Variants in CSMD1 observed in about 807,000 individuals in gnomAD.
CSMD1 encodes the protein CUB and Sushi multiple domains 1.
A neutral mutation model predicts 417.5 loss-of-function variants in CSMD1; 213 were observed. The observed-to-expected ratio is 0.51, with a 90% CI of 0.46 to 0.57. CSMD1 has a LOEUF of 0.57. Among genes scored for constraint, CSMD1 ranks in the 20% least tolerant of loss-of-function variants. The pLI is 0.00. For missense variants in CSMD1, 6,923 were observed against 4,529.7 expected, an observed-to-expected ratio of 1.53 and a Z score of -15.17; for synonymous variants, 2,862 against 1,736.8, an observed-to-expected ratio of 1.65 and a Z score of -16.11.
chr8:4,283,914 T>A (rs564257197), intron 3 of CSMD1, among the ~76,000 whole-genome samples: 82 of 152,314 alleles, frequency 5.4e-4, no homozygotes, highest in African/African-American at 1.9e-3. Flanking sequence ...CCTAGAATGT[T>A]TGCAAATCTG....
At chr8:3,445,742 C>G (rs1380898266) in intron 12 of CSMD1, among the ~76,000 whole-genome samples, 1 of 151,972 alleles carries the variant, frequency 6.6e-6, no homozygotes, top group South Asian at 2.1e-4. Flanking sequence ...ATAAAGTCCA[C>G]AAGAACAAGA....
chr8:4,604,961 G>C (rs563351251), intron 2 of CSMD1, among the ~76,000 whole-genome samples: 2 of 152,094 alleles, frequency 1.3e-5, no homozygotes, highest in African/African-American at 2.4e-5. Flanking sequence ...TGTTCTTGTG[G>C]GTCTATGCCA....
chr8:3,816,414 A>G (rs1801368252), intron 5 of CSMD1, among the ~76,000 whole-genome samples: 1 of 152,196 alleles, frequency 6.6e-6, no homozygotes, highest in African/African-American at 2.4e-5. Context: ...ACATTCACAT[A>G]ACTTTTATTA....
At chr8:4,853,711 G>A (rs556049800) in intron 1 of CSMD1, among the ~76,000 whole-genome samples, 1 of 152,272 alleles carries the variant, frequency 6.6e-6, no homozygotes, top group East Asian at 1.9e-4. Flanking sequence ...AGGAATGGTA[G>A]ATCTAACAGC....
At chr8:4,365,258 A>C (rs1175641448) in intron 3 of CSMD1, among the ~76,000 whole-genome samples, 4 of 152,212 alleles carry the variant, frequency 2.6e-5, no homozygotes, top group Non-Finnish European at 4.4e-5. Context: ...ATGTAATTTT[A>C]CTTTCTTAAA....
intron 1 of CSMD1, among the ~76,000 whole-genome samples, chr8:4,748,880 G>C (rs778502359): frequency 8.5e-5 from 13 of 152,354 alleles, no homozygotes; most frequent in Admixed American, 2.0e-4. Flanking sequence ...ATTCAACAAA[G>C]TTATTCCGGT....
chr8:4,716,848 C>G (rs985131429), intron 1 of CSMD1, among the ~76,000 whole-genome samples: 2 of 151,978 alleles, frequency 1.3e-5, no homozygotes, highest in Non-Finnish European at 2.9e-5. Context: ...TTTGAAACAA[C>G]CAAATTTTGT....
intron 2 of CSMD1, among the ~76,000 whole-genome samples, chr8:4,499,888 T>C (rs1802167805): frequency 2.0e-5 from 3 of 152,200 alleles, no homozygotes; most frequent in Non-Finnish European, 4.4e-5. Context: ...TGGTTAGTAT[T>C]GTATTCATTG....
At chr8:4,264,463 G>C (rs1017060442) in intron 3 of CSMD1, among the ~76,000 whole-genome samples, 3 of 152,170 alleles carry the variant, frequency 2.0e-5, no homozygotes, top group South Asian at 2.1e-4. Context: ...CAAATTTGCA[G>C]ATCACAATTC....
At chr8:3,765,994 G>C (rs1044586776) in intron 5 of CSMD1, among the ~76,000 whole-genome samples, 2 of 152,238 alleles carry the variant, frequency 1.3e-5, no homozygotes, top group Non-Finnish European at 2.9e-5. Context: ...CAGGCAGAGA[G>C]GATCATTTGG....
Position 4,631,551 on chromosome 8 carries a change from T to A in CSMD1, c.302+5791A>T, listed in dbSNP as rs149807344. Among the ~76,000 whole-genome samples, 497 of 152,264 alleles carry A rather than the reference T, an allele frequency of 3.3e-3. 6 individuals are homozygous for A. Among genetic ancestry groups the A allele is most frequent in the Non-Finnish European group, 2.2e-3 (153 of 68,026 alleles). On this transcript the variant is annotated intron_variant, in intron 2 of 69. Coordinates refer to ENST00000635120, the MANE Select transcript of CSMD1 (RefSeq NM_033225.6). Reference sequence around the variant, plus strand: ...ATTGAGACCCTTTCTTTAGCCCTCATATGTCTATAAGTTCTAAATATCACC... The same window carrying A: ...ATTGAGACCCTTTCTTTAGCCCTCAAATGTCTATAAGTTCTAAATATCACC...
intron 3 of CSMD1, among the ~76,000 whole-genome samples, chr8:4,175,960 A>C (rs1584961102): frequency 6.6e-6 from 1 of 152,150 alleles, no homozygotes; most frequent in East Asian, 1.9e-4. Context: ...GGCATGGGGC[A>C]GCTGGGCTTC....
chr8:4,146,353 T>C (rs555797174), intron 3 of CSMD1, among the ~76,000 whole-genome samples: 1 of 150,788 alleles, frequency 6.6e-6, no homozygotes, highest in Non-Finnish European at 1.5e-5. Flanking sequence ...TCTGATAAGC[T>C]TCAGCCCAAC....
intron 1 of CSMD1, among the ~76,000 whole-genome samples, chr8:4,927,899 T>C (rs1333422286): frequency 1.3e-5 from 2 of 152,176 alleles, no homozygotes. Flanking sequence ...CCTTGTCATG[T>C]CCAGCAGCTC....
At chr8:4,813,203 T>C (rs1799006490) in intron 1 of CSMD1, among the ~76,000 whole-genome samples, 1 of 152,160 alleles carries the variant, frequency 6.6e-6, no homozygotes, top group South Asian at 2.1e-4. Context: ...GTTTTGGGCT[T>C]AGGAATATAT....
intron 1 of CSMD1, among the ~76,000 whole-genome samples, chr8:4,721,049 C>G (rs746069181): frequency 1.3e-5 from 2 of 152,090 alleles, no homozygotes; most frequent in Admixed American, 1.3e-4. Context: ...CATAAAACCA[C>G]TCTAATAATA....
At chr8:3,819,670 G>A (rs1563112409) in intron 5 of CSMD1, among the ~76,000 whole-genome samples, 2 of 152,064 alleles carry the variant, frequency 1.3e-5, no homozygotes, top group East Asian at 1.9e-4. Context: ...TGCGGCCTTG[G>A]CCTACTGGGG....
At chr8:3,969,710 G>A (rs1034371515) in intron 5 of CSMD1, among the ~76,000 whole-genome samples, 1 of 152,188 alleles carries the variant, frequency 6.6e-6, no homozygotes, top group Non-Finnish European at 1.5e-5. Context: ...ACCAAAGGAT[G>A]ATTTTGACAA....
intron 3 of CSMD1, among the ~76,000 whole-genome samples, chr8:4,340,165 A>G (rs138255642): frequency 3.9e-5 from 6 of 152,002 alleles, no homozygotes; most frequent in Admixed American, 2.6e-4. Context: ...TATTTTCTTG[A>G]TACCTTTTTT....
Sources: allele counts gnomAD v4.1 joint callset (sites outside exome capture counted in the v4.1 genomes callset), GRCh38; gene constraint gnomAD v4.1.1; transcripts MANE v1.5; gene names NCBI Gene and HGNC (gene_info 2026-07-23, HGNC 2026-07-21).